Variants in PRKG1 observed in about 807,000 individuals in gnomAD.
PRKG1 encodes the protein cGMP-dependent protein kinase 1.
Under a neutral mutation model 88.1 loss-of-function variants are expected in PRKG1, and 35 were observed. That is an observed-to-expected ratio of 0.40 (90% CI 0.30 to 0.53). The LOEUF (loss-of-function observed/expected upper bound fraction) is 0.53, where lower values mean the gene tolerates loss of function less well. Among genes scored for constraint, PRKG1 ranks in the 20% least tolerant of loss-of-function variants. The probability of loss-of-function intolerance (pLI) is 0.59; values close to 1 mark genes in which losing one functional copy is unlikely to be tolerated. For synonymous variants in PRKG1, 303 were observed against 292.5 expected (o/e 1.04, Z -0.37); for missense variants, 540 against 839.8 (o/e 0.64, Z 4.41).
rs1491206881 is a variant in PRKG1, at chr10:51,205,128, T to TTTC, written c.478+51800_478+51801insCTT. Among the ~76,000 whole-genome samples, 48 of 48,962 alleles carry TTTC rather than the reference T, an allele frequency of 9.8e-4. 6 individuals carry two copies. The highest frequency in any genetic ancestry group is 4.4e-3 in the African/African-American group (24 of 5,402). 32.1% of individuals were successfully genotyped at this position (48,962 alleles called of 152,430 possible). A position where few individuals can be genotyped will look rare whatever the true frequency, so the allele number is the denominator to read the frequency against. ...AAGGAAGAATTTTCATTTTCTTTTC[T>TTTC]TTTTTTTTTTTTTTTTTTTTTTTTT... On this transcript the variant is annotated intron_variant, in intron 2 of 17. Transcript: ENST00000373980.
intron 2 of PRKG1, among the ~76,000 whole-genome samples, chr10:51,391,731 T>G (rs1837409745): frequency 6.6e-6 from 1 of 152,212 alleles, no homozygotes; most frequent in Admixed American, 6.5e-5. Context: ...CAGTTGCTAT[T>G]TGCAAAACTG....
At chr10:51,903,969 T>A (rs1842033480) in intron 4 of PRKG1, among the ~76,000 whole-genome samples, 1 of 152,098 alleles carries the variant, frequency 6.6e-6, no homozygotes, top group African/African-American at 2.4e-5. Flanking sequence ...ATTTATATTA[T>A]CTATAAAACC....
intron 3 of PRKG1, among the ~76,000 whole-genome samples, chr10:51,623,353 G>T (rs554713313): frequency 6.6e-6 from 1 of 152,064 alleles, no homozygotes; most frequent in Non-Finnish European, 1.5e-5. Context: ...GGCATGTGCC[G>T]CCATGACTGG....
chr10:51,897,345 A>G (rs1841876964), intron 4 of PRKG1, among the ~76,000 whole-genome samples: 1 of 152,138 alleles, frequency 6.6e-6, no homozygotes, highest in Non-Finnish European at 1.5e-5. Flanking sequence ...TGATGCAGAG[A>G]TGATTTCTTA....
chr10:52,213,101 T>G (rs1840023305), intron 9 of PRKG1, among the ~76,000 whole-genome samples: 1 of 152,092 alleles, frequency 6.6e-6, no homozygotes, highest in South Asian at 2.1e-4. Context: ...GCTCTGAATA[T>G]AAGTCAGTCA....
intron 5 of PRKG1, among the ~76,000 whole-genome samples, chr10:51,999,425 G>A (rs906777467): frequency 2.6e-4 from 40 of 152,188 alleles, no homozygotes; most frequent in Middle Eastern, 3.2e-3. Context: ...TGCCAGCTTC[G>A]TAGGGATGTT....
intron 2 of PRKG1, among the ~76,000 whole-genome samples, chr10:51,344,805 C>T (rs558323199): frequency 2.2e-4 from 34 of 152,142 alleles, no homozygotes; most frequent in African/African-American, 6.0e-4. Context: ...GAACAATGTA[C>T]GATAAAATGC....
At chr10:51,693,618 T>G (rs10998940) in intron 3 of PRKG1, among the ~76,000 whole-genome samples, 15,232 of 151,936 alleles carry the variant, frequency 0.1, 868 homozygotes, top group African/African-American at 0.15. Flanking sequence ...GCCAGGCTGG[T>G]CTCAAACTCC....
intron 2 of PRKG1, among the ~76,000 whole-genome samples, chr10:51,201,329 G>A (rs542953327): frequency 1.3e-5 from 2 of 152,208 alleles, no homozygotes; most frequent in South Asian, 4.2e-4. Context: ...GCAGTTGCCT[G>A]TAATCCCAGC....
chr10:52,190,895 A>G (rs990340092), intron 9 of PRKG1, among the ~76,000 whole-genome samples: 3 of 152,332 alleles, frequency 2.0e-5, no homozygotes, highest in East Asian at 1.9e-4. Flanking sequence ...GTGAAAGATC[A>G]TATTATTTCC....
chr10:51,562,203 G>T (rs1837482131), intron 3 of PRKG1, among the ~76,000 whole-genome samples: 1 of 136,152 alleles, frequency 7.3e-6, no homozygotes, highest in Non-Finnish European at 1.6e-5. Context: ...CAGCCTAGGT[G>T]ACAGACCTAG....
chr10:51,528,182 A>C (rs1841929151), intron 3 of PRKG1, among the ~76,000 whole-genome samples: 1 of 152,222 alleles, frequency 6.6e-6, no homozygotes, highest in African/African-American at 2.4e-5. Flanking sequence ...AACCCACCAC[A>C]ACAGTGAGCT....
intron 4 of PRKG1, among the ~76,000 whole-genome samples, chr10:51,884,290 C>A (rs1841509193): frequency 6.7e-6 from 1 of 148,934 alleles, no homozygotes. Context: ...ACTAAAAATA[C>A]AAAAATTAGC....
intron 5 of PRKG1, among the ~76,000 whole-genome samples, chr10:52,007,077 TG>T (rs1844755926): frequency 6.6e-6 from 1 of 152,030 alleles, no homozygotes; most frequent in South Asian, 2.1e-4. Flanking sequence ...AAGCAAATGG[TG>T]AAATAATTTG....
Position 51,752,666 on chromosome 10 carries a change from C to T in PRKG1, c.593-51919C>T, listed in dbSNP as rs142839299. The stretch of plus-strand genomic sequence containing the variant: ...ATACCAGGCCTGTTTTTGTCGTTAC[C>T]GTTTGTTTTGTTTCATTTGTTTTGC... On this transcript the variant is annotated intron_variant, in intron 3 of 17. Coordinates refer to ENST00000373980, the MANE Select transcript of PRKG1 (RefSeq NM_006258.4). Among the ~76,000 whole-genome samples the T allele has an allele frequency of 4.6e-5, 7 of 152,102 alleles. No individual in the cohort carries two copies. In the East Asian group the frequency reaches 9.7e-4, roughly 21 times the overall value.
chr10:51,742,447 G>A (rs1041298205), intron 3 of PRKG1, among the ~76,000 whole-genome samples: 4 of 152,176 alleles, frequency 2.6e-5, no homozygotes, highest in South Asian at 2.1e-4. Flanking sequence ...GACACTTGTT[G>A]AGAGACTAAC....
intron 2 of PRKG1, among the ~76,000 whole-genome samples, chr10:51,464,626 T>C (rs1839835801): frequency 6.6e-6 from 1 of 151,796 alleles, no homozygotes. Flanking sequence ...GTGCGGTGGC[T>C]CACGCCTGTA....
chr10:52,177,940 A>C (rs539169162), intron 9 of PRKG1, among the ~76,000 whole-genome samples: 80 of 149,276 alleles, frequency 5.4e-4, no homozygotes, highest in African/African-American at 1.8e-3. Context: ...CAAAAAAACA[A>C]CTTTTTGTTT....
Position 51,293,170 on chromosome 10 carries a change from C to A in PRKG1, c.478+139840C>A, listed in dbSNP as rs544310980. Reference sequence around the variant, plus strand: ...ACCACAATCAGACTAATTAACATATCCCTGTCACCTGACAGAGTTACCATT... The same window carrying A: ...ACCACAATCAGACTAATTAACATATACCTGTCACCTGACAGAGTTACCATT... On this transcript the variant is annotated intron_variant, in intron 2 of 17. Coordinates refer to ENST00000373980, the MANE Select transcript of PRKG1 (RefSeq NM_006258.4). Among the ~76,000 whole-genome samples, 4 of 150,836 alleles carry A rather than the reference C, an allele frequency of 2.7e-5. No homozygotes were observed. The East Asian group carries it at 7.8e-4, about 29-fold the overall frequency.
Sources: gnomAD v4.1 joint callset for allele counts (sites outside exome capture counted in the v4.1 genomes callset) on GRCh38, gnomAD v4.1.1 for gene constraint, MANE v1.5 for transcripts, NCBI Gene and HGNC (gene_info 2026-07-23, HGNC 2026-07-21) for gene names.